SLC38A4: variants seen among roughly 807,000 people sequenced by gnomAD.
SLC38A4 encodes sodium-coupled neutral amino acid transporter 4.
A neutral mutation model predicts 63.1 loss-of-function variants in SLC38A4; 20 were observed. The ratio of observed to expected loss-of-function variants is 0.32; its 90% CI spans 0.22 to 0.46. The LOEUF (loss-of-function observed/expected upper bound fraction) is 0.46, where lower values mean the gene tolerates loss of function less well. Ranked by LOEUF, SLC38A4 falls within the 20% of genes least tolerant of loss-of-function variation. SLC38A4 has a pLI of 1.00. For synonymous variants in SLC38A4, 230 were observed against 225.5 expected (o/e 1.02, Z -0.18); for missense variants, 526 against 663.6 (o/e 0.79, Z 2.28).
intron 14 of SLC38A4, among the ~76,000 whole-genome samples, chr12:46,772,003 T>A (rs1938426023): frequency 6.6e-6 from 1 of 151,978 alleles, no homozygotes; most frequent in Non-Finnish European, 1.5e-5. Context: ...AGAGACAACA[T>A]CTGTTATTTC....
At chr12:46,808,484 T>C (rs762519526) in intron 1 of SLC38A4, among the ~76,000 whole-genome samples, 20 of 151,274 alleles carry the variant, frequency 1.3e-4, no homozygotes, top group Non-Finnish European at 2.5e-4. Context: ...AAATAGAAAA[T>C]TGCTTTTAGC....
At chr12:46,813,629 C>G (rs1045896554) in intron 1 of SLC38A4, among the ~76,000 whole-genome samples, 1 of 152,012 alleles carries the variant, frequency 6.6e-6, no homozygotes, top group Admixed American at 6.6e-5. Context: ...CTTCTAGACT[C>G]TGAAGTCTTC....
intron 1 of SLC38A4, among the ~76,000 whole-genome samples, chr12:46,823,243 A>G (rs1939586503): frequency 6.6e-6 from 1 of 152,200 alleles, no homozygotes; most frequent in Admixed American, 6.5e-5. Flanking sequence ...CGTGACTTAC[A>G]GAGAAGTGTT....
At position 46,768,411 on chromosome 12, in the gene SLC38A4, AG is replaced by A; in HGVS notation, c.1445-5del. On this transcript the variant is annotated splice_region_variant and splice_polypyrimidine_tract_variant and intron_variant, in intron 15 of 16. Coordinates refer to ENST00000266579, the MANE Select transcript of SLC38A4 (RefSeq NM_018018.5). ...AGCATAGTGGCAGAAGAAGCCCCTG[AG>A]AAGACAAACACAGGGCAAGGTCAAT... 1.2e-6 allele frequency: 2 copies of A among 1,606,788 alleles called. No individual in the cohort carries two copies. Among genetic ancestry groups the A allele is most frequent in the Non-Finnish European group, 1.7e-6 (2 of 1,175,654 alleles).
chr12:46,828,760 T>C (rs768156242), upstream of SLC38A4, among the ~76,000 whole-genome samples: 1 of 152,316 alleles, frequency 6.6e-6, no homozygotes, highest in South Asian at 2.1e-4. Context: ...GCTAGGAAGA[T>C]AGGAATAAAA....
chr12:46,774,363 G>C (rs1014607249), intron 14 of SLC38A4, among the ~76,000 whole-genome samples: 4 of 151,988 alleles, frequency 2.6e-5, no homozygotes, highest in Non-Finnish European at 5.9e-5. Context: ...GTGAAGACCT[G>C]TGTTTATCCT....
At chr12:46,825,145 T>C (rs927747085) in intron 1 of SLC38A4, among the ~76,000 whole-genome samples, 13 of 150,728 alleles carry the variant, frequency 8.6e-5, no homozygotes, top group African/African-American at 3.1e-4. Context: ...TGCAACTGGA[T>C]GCGAACCTAT....
chr12:46,816,553 T>C (rs1272474848), intron 1 of SLC38A4, among the ~76,000 whole-genome samples: 1 of 151,892 alleles, frequency 6.6e-6, no homozygotes. Flanking sequence ...TCTATAGAAA[T>C]AAAAATACGG....
chr12:46,816,746 C>T (rs964048471), intron 1 of SLC38A4, among the ~76,000 whole-genome samples: 2 of 151,886 alleles, frequency 1.3e-5, no homozygotes, highest in African/African-American at 4.8e-5. Context: ...AATGTATTCA[C>T]ATGGCTACTG....
Position 46,766,557 on chromosome 12 carries a change from G to C in SLC38A4, c.*144C>G, listed in dbSNP as rs757070662. The C allele has an allele frequency of 4.2e-6, 3 of 711,458 alleles. No individual in the cohort carries two copies. The African/African-American group carries it at 5.2e-5, about 12-fold the overall frequency. The allele number at this position is 711,458 out of a possible 1,614,324, so 44.1% of individuals were successfully genotyped here. ...AAACAGTGATTTTCCTCTTCTGCAG[G>C]TGCCTGGTGATATTACTGGTAAACG... On this transcript the variant is annotated 3_prime_UTR_variant, in exon 17 of 17. Coordinates refer to ENST00000266579, the MANE Select transcript of SLC38A4 (RefSeq NM_018018.5).
chr12:46,800,010 A>G (rs761365896), intron 2 of SLC38A4, among the ~76,000 whole-genome samples: 1 of 152,172 alleles, frequency 6.6e-6, no homozygotes, highest in African/African-American at 2.4e-5. Context: ...GAATTATTGC[A>G]TGGGTAGGAT....
upstream of SLC38A4, among the ~76,000 whole-genome samples, chr12:46,827,986 A>G (rs1325585837): frequency 8.5e-5 from 13 of 152,164 alleles, no homozygotes; most frequent in Admixed American, 8.5e-4. Context: ...GGGCAGAGCT[A>G]AGGGACACTT....
Position 46,788,555 on chromosome 12 carries a change from C to T in SLC38A4, c.183G>A (p.Lys61=). 1 of 1,613,628 alleles carries T rather than the reference C, an allele frequency of 6.2e-7. No homozygotes were observed. Among genetic ancestry groups the T allele is most frequent in the Non-Finnish European group, 8.5e-7 (1 of 1,179,820 alleles). Residue 61 remains lysine, a synonymous_variant, in exon 4 of 17, where the codon AAG becomes AAA. Coordinates refer to ENST00000266579, the MANE Select transcript of SLC38A4 (RefSeq NM_018018.5). ...GTTCATCAGCATAATCTGCCAGCTT[C>T]TTTTTCCCCAAAAATCCATTTGTCA... ...KFLTNGFLGK[K]KLADYADEHH...
At chr12:46,773,081 C>T (rs1165101225) in intron 14 of SLC38A4, among the ~76,000 whole-genome samples, 1 of 152,028 alleles carries the variant, frequency 6.6e-6, no homozygotes, top group Admixed American at 6.6e-5. Flanking sequence ...GATTGAGATC[C>T]ACTCACGGAA....
intron 1 of SLC38A4, among the ~76,000 whole-genome samples, chr12:46,805,699 A>C (rs1454368169): frequency 2.6e-5 from 4 of 152,106 alleles, no homozygotes; most frequent in Non-Finnish European, 4.4e-5. Context: ...TGTTTCATGT[A>C]CCATAGTAGA....
chr12:46,797,356 C>T (rs1324743018), intron 2 of SLC38A4, among the ~76,000 whole-genome samples: 3 of 152,132 alleles, frequency 2.0e-5, no homozygotes, highest in Non-Finnish European at 4.4e-5. Context: ...CCACATAGAA[C>T]AAAAAGGCAG....
At chr12:46,813,329 C>G (rs554710393) in intron 1 of SLC38A4, among the ~76,000 whole-genome samples, 1 of 152,118 alleles carries the variant, frequency 6.6e-6, no homozygotes, top group South Asian at 2.1e-4. Context: ...ATGAGCTCAG[C>G]TTTCATCCTG....
In SLC38A4 at chr12:46,783,051, T is replaced by TGTGTGTGTGTGC. The variant is rs1555170940; in HGVS notation, c.493+1490_493+1491insGCACACACACAC. 5.0e-3 allele frequency among the ~76,000 whole-genome samples: 712 copies of TGTGTGTGTGTGC among 141,084 alleles called. 4 individuals are homozygous for TGTGTGTGTGTGC. Among genetic ancestry groups the TGTGTGTGTGTGC allele is most frequent in the Middle Eastern group, 6.9e-3 (2 of 288 alleles). 92.6% of individuals were successfully genotyped at this position (141,084 alleles called of 152,430 possible). A position where few individuals can be genotyped will look rare whatever the true frequency, so the allele number is the denominator to read the frequency against. ...GTGTGTGTGTGTGTGTGTGTGTGTGTGTGTGTGTTAGGGTTGGAGGACTTT... is the reference window on the plus strand; with the variant it reads ...GTGTGTGTGTGTGTGTGTGTGTGTGTGTGTGTGTGTGCGTGTGTGTTAGGGTTGGAGGACTTT... On this transcript the variant is annotated intron_variant, in intron 7 of 16. Coordinates refer to ENST00000266579, the MANE Select transcript of SLC38A4 (RefSeq NM_018018.5).
intron 14 of SLC38A4, 76 bp from the exon 15 acceptor site, chr12:46,769,504 C>T (rs1156631226): frequency 6.2e-6 from 9 of 1,457,990 alleles, no homozygotes; most frequent in Non-Finnish European, 9.3e-7. Flanking sequence ...ATTCTCATCA[C>T]TCTAATGCAT....
Sources: gnomAD v4.1 joint callset for allele counts (sites outside exome capture counted in the v4.1 genomes callset) on GRCh38, gnomAD v4.1.1 for gene constraint, MANE v1.5 for transcripts, NCBI Gene and HGNC (gene_info 2026-07-23, HGNC 2026-07-21) for gene names.